WNK4: variants seen among roughly 807,000 people sequenced by gnomAD.
WNK4 encodes serine/threonine-protein kinase WNK4.
In WNK4, 94 loss-of-function variants were observed where a neutral mutation model predicts 116.2. The observed-to-expected ratio is 0.81, with a 90% CI of 0.68 to 0.96. The LOEUF (loss-of-function observed/expected upper bound fraction) is 0.96. Among genes scored for constraint, WNK4 ranks in the 40% least tolerant of loss-of-function variants. The pLI is 0.00. For synonymous variants in WNK4, 655 were observed against 672.7 expected (o/e 0.97, Z 0.41); for missense variants, 1,542 against 1,650.6 (o/e 0.93, Z 1.14).
At position 42,787,858 on chromosome 17, in the gene WNK4, G is replaced by A. The variant is rs560033554; in HGVS notation, c.1822G>A (p.Val608Met). ...CCCTGCCCTTCAGCCCCCTGGGGGG[G>A]TGCCATCCAGCCTGGCTGAGTCCCA... ...SDPALQPPGG[V>M]PSSLAESHLC... Residue 608 changes from valine (V) to methionine (M), a missense_variant, in exon 8 of 19, where the codon GTG (valine) becomes ATG (methionine). Around this residue, in one of 7 missense-constraint regions of WNK4, gnomAD observed 808 missense variants for 873.6 expected, o/e 0.92. Coordinates refer to ENST00000246914, the MANE Select transcript of WNK4 (RefSeq NM_032387.5). 8.7e-5 allele frequency: 141 copies of A among 1,611,686 alleles called. 1 individual carries two copies. The highest frequency in any genetic ancestry group is 4.6e-4 in the South Asian group (42 of 91,074).
At chr17:42,785,243 G>A (rs775895477) in intron 5 of WNK4, 23 bp from the exon 6 acceptor site, 2 of 1,606,780 alleles carry the variant, frequency 1.2e-6, no homozygotes, top group East Asian at 4.5e-5. Context: ...GGCGGGCTCG[G>A]CTCACCCACG....
chr17:42,786,431 C>T (rs2054550109), intron 6 of WNK4, among the ~76,000 whole-genome samples: 1 of 152,158 alleles, frequency 6.6e-6, no homozygotes, highest in African/African-American at 2.4e-5. Flanking sequence ...CTCACTCTGT[C>T]ACCCAGGCTG....
intron 2 of WNK4, among the ~76,000 whole-genome samples, chr17:42,783,157 C>T (rs900124136): frequency 3.9e-5 from 6 of 152,138 alleles, no homozygotes; most frequent in Non-Finnish European, 8.8e-5. Context: ...CACTCTGCCC[C>T]CTCATCAGTC....
Position 42,782,664 on chromosome 17 carries a change from AC to A in WNK4, c.619-91del. The A allele has an allele frequency of 1.4e-6, 2 of 1,468,260 alleles. No individual in the cohort carries two copies. The highest frequency in any genetic ancestry group is 1.2e-5 in the South Asian group (1 of 83,968). 91.0% of individuals were successfully genotyped at this position (1,468,260 alleles called of 1,614,324 possible). A position where few individuals can be genotyped will look rare whatever the true frequency, so the allele number is the denominator to read the frequency against. ...AACCCCACCCCATCTGTGGGCTCCAACCCTCACCTCTTCCCCCAACCCCACT... is the reference window on the plus strand; with the variant it reads ...AACCCCACCCCATCTGTGGGCTCCAACCTCACCTCTTCCCCCAACCCCACT... On this transcript the variant is annotated intron_variant, in intron 1 of 18. Transcript: ENST00000246914. The surrounding 1 kb of genome is among the most constrained non-coding windows in gnomAD (Gnocchi z 4.2).
At chr17:42,786,419 GTC>G (rs2054549982) in intron 6 of WNK4, among the ~76,000 whole-genome samples, 1 of 152,064 alleles carries the variant, frequency 6.6e-6, no homozygotes, top group South Asian at 2.1e-4. Context: ...GAGTAATGGA[GTC>G]TCACTCTGTC....
intron 13 of WNK4, 46 bp from the exon 14 acceptor site, chr17:42,794,726 G>A (rs569689380): frequency 1.2e-6 from 2 of 1,613,848 alleles, no homozygotes; most frequent in Admixed American, 3.3e-5. Context: ...CCTGGGAAGG[G>A]CATAGGGCAT....
rs757005482 is a variant in WNK4 at position 42,795,745 on chromosome 17, A to G, written c.3143A>G (p.Gln1048Arg). ...GGTTCTCCAAAACCTTCAACCCCTC[A>G]GCTCACTTCAGAGAGCTCAGATACA... ...LSGSPKPSTP[Q>R]LTSESSDTED... is the part of the protein sequence containing the mutation. Residue 1048 changes from glutamine to arginine, a missense_variant, in exon 16 of 19, where the codon CAG becomes CGG. Transcript: ENST00000246914. 6.2e-7 allele frequency: 1 copy of G among 1,613,688 alleles called. No homozygotes were observed. The highest frequency in any genetic ancestry group is 8.5e-7 in the Non-Finnish European group (1 of 1,180,026).
rs1386360872 is a variant in WNK4 at position 42,796,572 on chromosome 17, C to G, written c.3723C>G (p.Gly1241=). ...SKGVTFAGDV[G]RM ...GGGTGACATTCGCCGGGGATGTTGG[C>G]AGGATGGTGAGGGCGGGCCCAAGGG... Residue 1241 remains glycine (G), a synonymous_variant, in exon 18 of 19, where the codon GGC becomes GGG. Transcript: ENST00000246914. 1 of 1,614,206 alleles carries G rather than the reference C, an allele frequency of 6.2e-7. No individual in the cohort carries two copies. The highest frequency in any genetic ancestry group is 8.5e-7 in the Non-Finnish European group (1 of 1,180,024).
In WNK4 at chr17:42,780,798, C is replaced by CCCCGCCTCGGG; in HGVS notation, c.104_114dup (p.Pro39AlafsTer36). The CCCCGCCTCGGG allele has an allele frequency of 2.5e-6, 4 of 1,603,414 alleles. No homozygotes were observed. Among genetic ancestry groups the CCCCGCCTCGGG allele is most frequent in the Non-Finnish European group, 3.4e-6 (4 of 1,178,346 alleles). ...GCCTCCTCTTGGCACCGCGGGGCAG[C>CCCCGCCTCGGG]CCCGCCTCGGGCCCCCTCCTCGCCG... is the stretch of plus-strand genomic sequence containing the variant. On this transcript the variant is annotated frameshift_variant, in exon 1 of 19. Transcript: ENST00000246914. LOFTEE classifies it high-confidence loss of function.
At position 42,782,689 on chromosome 17, in the gene WNK4, C is replaced by T; in HGVS notation, c.619-69C>T. Reference sequence around the variant, plus strand: ...ACCCTCACCTCTTCCCCCAACCCCACTCCAGGTGTCCCTCTTCCTTTCTGT... The same window carrying T: ...ACCCTCACCTCTTCCCCCAACCCCATTCCAGGTGTCCCTCTTCCTTTCTGT... On this transcript the variant is annotated intron_variant, in intron 1 of 18. Transcript: ENST00000246914. This position sits in a 1 kb window ranked among gnomAD's most constrained non-coding sequence, Gnocchi z 4.2. 1.3e-6 allele frequency: 2 copies of T among 1,588,566 alleles called. No individual in the cohort carries two copies. Among genetic ancestry groups the T allele is most frequent in the South Asian group, 1.1e-5 (1 of 88,936 alleles).
chr17:42,794,943 C>T lies in WNK4; in HGVS notation c.2522C>T (p.Ser841Phe). The T allele has an allele frequency of 1.2e-6, 2 of 1,611,472 alleles. No homozygotes were observed. The highest frequency in any genetic ancestry group is 1.7e-6 in the Non-Finnish European group (2 of 1,178,668). Reference protein sequence around the residue: ...ITSPPCHPSPSPFSPISSQVS... With the variant: ...ITSPPCHPSPFPFSPISSQVS... ...TCTCCCCCATGTCATCCCAGCCCCT[C>T]CCCATTCTCCCCCATTTCTTCCCAG... Residue 841 changes from serine (S) to phenylalanine (F), a missense_variant, in exon 14 of 19, where the codon TCC becomes TTC. Physicochemically the swap from Ser to Phe is radical, Grantham distance 155 (BLOSUM62 -2). Around this residue, in one of 7 missense-constraint regions of WNK4, gnomAD observed 808 missense variants for 873.6 expected, o/e 0.92. Coordinates refer to ENST00000246914, the MANE Select transcript of WNK4 (RefSeq NM_032387.5).
At chr17:42,792,898 CAGTGAAG>C (rs1220038065) in intron 11 of WNK4, among the ~76,000 whole-genome samples, 26 of 152,188 alleles carry the variant, frequency 1.7e-4, no homozygotes, top group Admixed American at 1.7e-3. Context: ...TGGGAGGCAG[CAGTGAAG>C]ATAACTCAGG....
Position 42,787,916 on chromosome 17 carries a change from TG to T in WNK4, c.1863+23del. 2 of 1,608,296 alleles carry T rather than the reference TG, an allele frequency of 1.2e-6. No homozygotes were observed. On this transcript the variant is annotated intron_variant, in intron 8 of 18. Transcript: ENST00000246914. The stretch of plus-strand genomic sequence containing the variant: ...CTGCCCTCGGTGAGAGGGGGTCGCA[TG>T]GGGGGCTCCCAGCCATTCCAAGCCT...
Position 42,797,064 on chromosome 17 carries a change from G to A in WNK4, c.*376G>A, listed in dbSNP as rs1160375758. On this transcript the variant is annotated 3_prime_UTR_variant, in exon 19 of 19. Coordinates refer to ENST00000246914, the MANE Select transcript of WNK4 (RefSeq NM_032387.5). Reference sequence around the variant, plus strand: ...CAACCAATAAAAATGCTGGAAACAAGAACGCCGTGAATCCATATGCCATGC... The same window carrying A: ...CAACCAATAAAAATGCTGGAAACAAAAACGCCGTGAATCCATATGCCATGC... 1 of 300,342 alleles carries A rather than the reference G, an allele frequency of 3.3e-6. No homozygotes were observed. The highest frequency in any genetic ancestry group is 2.1e-5 in the African/African-American group (1 of 46,710). 18.6% of individuals were successfully genotyped at this position (300,342 alleles called of 1,614,324 possible). A position where few individuals can be genotyped will look rare whatever the true frequency, so the allele number is the denominator to read the frequency against.
chr17:42,794,542 A>T, intron 12 of WNK4, 72 bp from the exon 13 acceptor site: 1 of 1,562,160 alleles, frequency 6.4e-7, no homozygotes, highest in Non-Finnish European at 8.8e-7. Flanking sequence ...TAGCTTAGGA[A>T]CCCCGGTCTG....
In WNK4 at chr17:42,796,493, G is replaced by A; in HGVS notation, c.3644G>A (p.Arg1215Lys). 2.5e-6 allele frequency: 4 copies of A among 1,614,054 alleles called. No homozygotes were observed. The highest frequency in any genetic ancestry group is 1.7e-4 in the Middle Eastern group (1 of 6,056). ...ATCCTGCTCCCAGGCATCATGCGAA[G>A]GAACTCTCTGAGTGGCAGCAGCACC... Reference protein sequence around the residue: ...SEPPGPGIMRRNSLSGSSTGS... With the variant: ...SEPPGPGIMRKNSLSGSSTGS... Residue 1215 changes from arginine to lysine, a missense_variant, in exon 18 of 19, where the codon AGG (arginine) becomes AAG (lysine). Arg to Lys is a conservative substitution (Grantham distance 26, BLOSUM62 2). Transcript: ENST00000246914.
rs750674108 is a variant in WNK4, at chr17:42,795,660, A to C, written c.3058A>C (p.Thr1020Pro). Reference protein sequence around the residue: ...KPQLVGRFQVTSSKEPAEPLP... With the variant: ...KPQLVGRFQVPSSKEPAEPLP... ...GCAGCTTGTTGGGCGTTTCCAAGTG[A>C]CTTCATCCAAGGAACCGGCTGAGCC... The change falls in exon 16 of 19, where the codon ACT (threonine) becomes CCT (proline). Residue 1020 changes from threonine to proline, a missense_variant. By Grantham distance (38) the Thr-to-Pro change is conservative. Around this residue, in one of 7 missense-constraint regions of WNK4, gnomAD observed 292 missense variants for 290.1 expected, o/e 1.01. Transcript: ENST00000246914. 5.1e-5 allele frequency: 83 copies of C among 1,613,274 alleles called. No individual in the cohort carries two copies. The highest frequency in any genetic ancestry group is 7.0e-5 in the Non-Finnish European group (83 of 1,180,024).
chr17:42,784,345 G>GC lies in WNK4; in HGVS notation c.1013-75dup. 2.5e-6 allele frequency: 4 copies of GC among 1,580,324 alleles called. No homozygotes were observed. The highest frequency in any genetic ancestry group is 3.4e-6 in the Non-Finnish European group (4 of 1,161,780). ...CGGGGTCACTTGCACTCGCAGGGTT[G>GC]CCTGGGGCTGCCTAGCCCAGTGGGA... On this transcript the variant is annotated intron_variant, in intron 3 of 18. Transcript: ENST00000246914. This position sits in a 1 kb window ranked among gnomAD's most constrained non-coding sequence, Gnocchi z 4.4.
chr17:42,782,475 A>G lies in WNK4; in HGVS notation c.619-283A>G, dbSNP rs920673302. Among the ~76,000 whole-genome samples the G allele has an allele frequency of 6.6e-6, 1 of 152,170 alleles. No homozygotes were observed. The highest frequency in any genetic ancestry group is 1.9e-4 in the East Asian group (1 of 5,198). ...CGGCCTGGGCAGCCACAAAGGCACT[A>G]TTGAGCTCAGGGCTCTGGGACCGGG... On this transcript the variant is annotated intron_variant, in intron 1 of 18. Coordinates refer to ENST00000246914, the MANE Select transcript of WNK4 (RefSeq NM_032387.5). This position sits in a 1 kb window ranked among gnomAD's most constrained non-coding sequence, Gnocchi z 4.2.
Sources: allele counts gnomAD v4.1 joint callset (sites outside exome capture counted in the v4.1 genomes callset), GRCh38; gene constraint gnomAD v4.1.1; regional missense constraint gnomAD v4.1.1; non-coding constraint Gnocchi (gnomAD v3.1); transcripts MANE v1.5; gene names NCBI Gene and HGNC (gene_info 2026-07-23, HGNC 2026-07-21).